The following PTPRO variants were observed in gnomAD, a reference collection of about 807,000 sequenced individuals.
PTPRO encodes protein tyrosine phosphatase receptor type O.
A neutral mutation model predicts 145.2 loss-of-function variants in PTPRO; 62 were observed. The ratio of observed to expected loss-of-function variants is 0.43; its 90% CI spans 0.35 to 0.53. The LOEUF (loss-of-function observed/expected upper bound fraction) is 0.53. Ranked by LOEUF, PTPRO falls within the 20% of genes least tolerant of loss-of-function variation. PTPRO has a pLI of 0.01. For synonymous variants in PTPRO, 565 were observed against 514.7 expected (o/e 1.10, Z -1.32); for missense variants, 1,345 against 1,482.7 (o/e 0.91, Z 1.53).
chr12:15,362,626 A>G (rs551894775), intron 1 of PTPRO, among the ~76,000 whole-genome samples: 1 of 152,270 alleles, frequency 6.6e-6, no homozygotes, highest in Non-Finnish European at 1.5e-5. Flanking sequence ...GGTAGAGTTT[A>G]TGAAGTTATT....
chr12:15,412,111 T>C (rs561547765), intron 1 of PTPRO, among the ~76,000 whole-genome samples: 16 of 152,342 alleles, frequency 1.1e-4, no homozygotes, highest in African/African-American at 3.8e-4. Context: ...TCACACGCAG[T>C]TGAAACTATG....
chr12:15,532,267 T>A (rs1247553737), intron 12 of PTPRO, among the ~76,000 whole-genome samples: 1 of 152,208 alleles, frequency 6.6e-6, no homozygotes, highest in African/African-American at 2.4e-5. Flanking sequence ...TAATTTTAAA[T>A]ACTATCTTAA....
intron 3 of PTPRO, 142 bp from the exon 4 acceptor site, chr12:15,499,300 A>T: frequency 1.2e-6 from 1 of 842,798 alleles, no homozygotes; most frequent in Non-Finnish European, 1.9e-6. Context: ...CTAGCCTTCT[A>T]CTAACTCTTT....
chr12:15,418,871 A>G (rs563937121), intron 1 of PTPRO, among the ~76,000 whole-genome samples: 51 of 151,836 alleles, frequency 3.4e-4, no homozygotes, highest in Non-Finnish European at 6.2e-4. Context: ...TAACAAAAGC[A>G]ATACTAAAGT....
chr12:15,471,118 C>A (rs1301973658), intron 1 of PTPRO, among the ~76,000 whole-genome samples: 1 of 152,090 alleles, frequency 6.6e-6, no homozygotes, highest in Non-Finnish European at 1.5e-5. Context: ...ATTTTGAAAC[C>A]ATAAAGAATG....
At chr12:15,459,055 G>A (rs1591829783) in intron 1 of PTPRO, among the ~76,000 whole-genome samples, 1 of 152,150 alleles carries the variant, frequency 6.6e-6, no homozygotes, top group South Asian at 2.1e-4. Context: ...CATCAGCTAT[G>A]TTCTTAGTAG....
chr12:15,519,690 TG>T (rs1942672950), intron 9 of PTPRO, among the ~76,000 whole-genome samples: 1 of 152,238 alleles, frequency 6.6e-6, no homozygotes, highest in African/African-American at 2.4e-5. Flanking sequence ...TTTTAGAGGA[TG>T]TTTTTTAAGA....
chr12:15,422,098 T>G (rs1940162927), intron 1 of PTPRO, among the ~76,000 whole-genome samples: 1 of 152,188 alleles, frequency 6.6e-6, no homozygotes, highest in Non-Finnish European at 1.5e-5. Flanking sequence ...AATGAAACTT[T>G]GCAGCAATTC....
At chr12:15,452,348 C>CA (rs1299235082) in intron 1 of PTPRO, among the ~76,000 whole-genome samples, 2 of 150,860 alleles carry the variant, frequency 1.3e-5, no homozygotes, top group East Asian at 1.9e-4. Flanking sequence ...TGAAATGGTA[C>CA]AAAAAAAAAT....
At position 15,520,193 on chromosome 12, in the gene PTPRO, T is replaced by A. The variant is rs747861847; in HGVS notation, c.1780-8T>A. The A allele has an allele frequency of 6.2e-7, 1 of 1,604,568 alleles. No individual in the cohort carries two copies. Among genetic ancestry groups the A allele is most frequent in the Non-Finnish European group, 8.5e-7 (1 of 1,171,292 alleles). On this transcript the variant is annotated splice_polypyrimidine_tract_variant and splice_region_variant and intron_variant, in intron 9 of 26. Coordinates refer to ENST00000281171, the MANE Select transcript of PTPRO (RefSeq NM_030667.3). ...TCTTTTGTCTCCTTGCTTGCTTTTC[T>A]CATTCAGAGAATAGCTAATCTGCTG...
intron 19 of PTPRO, 38 bp downstream of exon 19, chr12:15,569,536 A>G: frequency 6.5e-7 from 1 of 1,546,782 alleles, no homozygotes; most frequent in Non-Finnish European, 8.9e-7. Flanking sequence ...TCTGTAATGG[A>G]AAGGGCCTGG....
intron 12 of PTPRO, among the ~76,000 whole-genome samples, chr12:15,543,888 C>A (rs1943225760): frequency 6.6e-6 from 1 of 152,096 alleles, no homozygotes; most frequent in Non-Finnish European, 1.5e-5. Flanking sequence ...TAGAGCACTG[C>A]CCTGAAGTTC....
Position 15,404,064 on chromosome 12 carries a change from C to T in PTPRO, c.76-79910C>T, listed in dbSNP as rs1443728243. ...ACAAAAAAATAGCCGGGCGTGGTGG[C>T]GGGTGCCTGTAGTCCCAGCTACTCA... On this transcript the variant is annotated intron_variant, in intron 1 of 26. Transcript: ENST00000281171. Among the ~76,000 whole-genome samples the T allele has an allele frequency of 2.6e-5, 4 of 151,354 alleles. No individual in the cohort carries two copies. The East Asian group carries it at 7.8e-4, about 29-fold the overall frequency.
At chr12:15,549,257 C>A in intron 14 of PTPRO, 31 bp downstream of exon 14, 1 of 1,526,832 alleles carries the variant, frequency 6.5e-7, no homozygotes, top group Non-Finnish European at 8.8e-7. Flanking sequence ...ATAATTTTCT[C>A]ACTTTTTTTG....
chr12:15,516,223 G>A (rs1420549346), intron 8 of PTPRO, among the ~76,000 whole-genome samples: 2 of 149,444 alleles, frequency 1.3e-5, no homozygotes, highest in East Asian at 2.0e-4. Flanking sequence ...ATCTGACCTC[G>A]TGATCTGCCC....
chr12:15,466,092 A>G lies in PTPRO; in HGVS notation c.76-17882A>G, dbSNP rs141297762. ...AGATGAGAGAACTGAGTCTCAGGCTATATAATTTGCCTGTGTACAACAATC... is the reference window on the plus strand; with the variant it reads ...AGATGAGAGAACTGAGTCTCAGGCTGTATAATTTGCCTGTGTACAACAATC... On this transcript the variant is annotated intron_variant, in intron 1 of 26. Transcript: ENST00000281171. Among the ~76,000 whole-genome samples, 20 of 152,328 alleles carry G rather than the reference A, an allele frequency of 1.3e-4. 1 individual carries two copies. The highest frequency in any genetic ancestry group is 4.8e-4 in the African/African-American group (20 of 41,590).
intron 1 of PTPRO, among the ~76,000 whole-genome samples, chr12:15,393,516 T>C (rs1056462767): frequency 1.3e-5 from 2 of 152,172 alleles, no homozygotes; most frequent in East Asian, 1.9e-4. Context: ...TGTTCCAAGA[T>C]TGTGCATGCA....
intron 1 of PTPRO, among the ~76,000 whole-genome samples, chr12:15,476,388 C>T (rs1186215956): frequency 2.0e-5 from 3 of 152,008 alleles, no homozygotes; most frequent in African/African-American, 7.2e-5. Context: ...TGTTCATGTC[C>T]TTCGCCCACT....
intron 1 of PTPRO, among the ~76,000 whole-genome samples, chr12:15,479,364 G>C (rs1164002440): frequency 6.6e-6 from 1 of 152,194 alleles, no homozygotes; most frequent in African/African-American, 2.4e-5. Flanking sequence ...AGCAGGGGAG[G>C]GGGTCTGCCC....
Sources: allele counts gnomAD v4.1 joint callset (sites outside exome capture counted in the v4.1 genomes callset), GRCh38; gene constraint gnomAD v4.1.1; transcripts MANE v1.5; gene names NCBI Gene and HGNC (gene_info 2026-07-23, HGNC 2026-07-21).